Variants in MECOM observed in about 807,000 individuals in gnomAD.
The protein encoded by MECOM is histone-lysine N-methyltransferase MECOM.
A neutral mutation model predicts 116.3 loss-of-function variants in MECOM; 13 were observed. The observed-to-expected ratio is 0.11, with a 90% CI of 0.07 to 0.18. The LOEUF is 0.18. Among genes scored for constraint, MECOM ranks in the 10% least tolerant of loss-of-function variants. MECOM has a pLI of 1.00. For missense variants in MECOM, 1,299 were observed against 1,509.0 expected, an observed-to-expected ratio of 0.86 and a Z score of 2.31; for synonymous variants, 528 against 535.2, an observed-to-expected ratio of 0.99 and a Z score of 0.19.
chr3:169,435,825 A>G (rs921175519), intron 1 of MECOM, among the ~76,000 whole-genome samples: 2 of 152,238 alleles, frequency 1.3e-5, no homozygotes, highest in African/African-American at 2.4e-5. Context: ...AAATCAGTAT[A>G]AAAACAAGCA....
chr3:169,658,467 C>T (rs1775806530), intron 1 of MECOM, among the ~76,000 whole-genome samples: 1 of 152,208 alleles, frequency 6.6e-6, no homozygotes, highest in African/African-American at 2.4e-5. Flanking sequence ...TGTGCACACG[C>T]ATGTGTGGGT....
chr3:169,319,342 C>CA (rs1212156022), intron 2 of MECOM, among the ~76,000 whole-genome samples: 3 of 151,860 alleles, frequency 2.0e-5, no homozygotes, highest in Non-Finnish European at 1.5e-5. Context: ...CCAAACACTG[C>CA]ATGTTCTCAC....
intron 1 of MECOM, among the ~76,000 whole-genome samples, chr3:169,657,994 T>A (rs960268939): frequency 1.3e-5 from 2 of 152,220 alleles, no homozygotes; most frequent in African/African-American, 4.8e-5. Flanking sequence ...CTGATCGATT[T>A]GTCTGTCTCC....
intron 2 of MECOM, among the ~76,000 whole-genome samples, chr3:169,207,070 C>G (rs577205949): frequency 2.6e-4 from 40 of 152,224 alleles, no homozygotes; most frequent in African/African-American, 8.4e-4. Context: ...GACTTCTTTC[C>G]TAAACAAAAG....
intron 1 of MECOM, among the ~76,000 whole-genome samples, chr3:169,607,370 C>A (rs1415258415): frequency 6.6e-6 from 1 of 152,132 alleles, no homozygotes; most frequent in East Asian, 1.9e-4. Context: ...CATAAAATAA[C>A]AACACCAGCA....
intron 2 of MECOM, among the ~76,000 whole-genome samples, chr3:169,156,642 C>A (rs1742033058): frequency 6.6e-6 from 1 of 152,168 alleles, no homozygotes; most frequent in African/African-American, 2.4e-5. Flanking sequence ...GGCCTGAGAA[C>A]CTTCCAAAGG....
intron 2 of MECOM, among the ~76,000 whole-genome samples, chr3:169,190,968 G>A (rs980630999): frequency 1.3e-5 from 2 of 151,956 alleles, no homozygotes; most frequent in Non-Finnish European, 2.9e-5. Context: ...TATGTACAGA[G>A]TAGGCAATTT....
intron 2 of MECOM, among the ~76,000 whole-genome samples, chr3:169,355,862 C>T (rs1727188932): frequency 6.6e-6 from 1 of 151,426 alleles, no homozygotes; most frequent in African/African-American, 2.4e-5. Flanking sequence ...TAAGAAAAAT[C>T]TAAATGTCTA....
At chr3:169,378,333 A>G (rs1731414320) in intron 2 of MECOM, among the ~76,000 whole-genome samples, 1 of 149,282 alleles carries the variant, frequency 6.7e-6, no homozygotes, top group South Asian at 2.1e-4. Flanking sequence ...CCAAAAAAGA[A>G]AGAAAAAGGA....
At chr3:169,354,321 A>G (rs1726877867) in intron 2 of MECOM, among the ~76,000 whole-genome samples, 1 of 151,874 alleles carries the variant, frequency 6.6e-6, no homozygotes, top group Non-Finnish European at 1.5e-5. Flanking sequence ...AACATGTTAA[A>G]TCTCAAAAAC....
intron 2 of MECOM, among the ~76,000 whole-genome samples, chr3:169,376,782 C>G (rs375270726): frequency 1.6e-4 from 25 of 152,168 alleles, no homozygotes; most frequent in African/African-American, 5.8e-4. Context: ...CAATGTTATC[C>G]CATCCAGCTA....
intron 2 of MECOM, among the ~76,000 whole-genome samples, chr3:169,206,054 C>T (rs1295472456): frequency 6.6e-6 from 1 of 152,066 alleles, no homozygotes; most frequent in Non-Finnish European, 1.5e-5. Flanking sequence ...TTGCCAATGT[C>T]CACTCTTCCT....
At chr3:169,097,175 T>A (rs901059236) in intron 12 of MECOM, among the ~76,000 whole-genome samples, 1 of 152,052 alleles carries the variant, frequency 6.6e-6, no homozygotes, top group Non-Finnish European at 1.5e-5. Context: ...TCTACACAAA[T>A]CATGAGGAAG....
At chr3:169,626,086 A>G (rs1207581821) in intron 1 of MECOM, among the ~76,000 whole-genome samples, 1 of 152,194 alleles carries the variant, frequency 6.6e-6, no homozygotes, top group African/African-American at 2.4e-5. Context: ...AGGCACAAAA[A>G]TATCTCCAAC....
At chr3:169,307,954 G>C (rs1284472368) in intron 2 of MECOM, among the ~76,000 whole-genome samples, 1 of 151,850 alleles carries the variant, frequency 6.6e-6, no homozygotes, top group Non-Finnish European at 1.5e-5. Context: ...GCTTTCTTTG[G>C]TCTCATGAAT....
At chr3:169,376,626 A>G (rs1731084149) in intron 2 of MECOM, among the ~76,000 whole-genome samples, 2 of 152,080 alleles carry the variant, frequency 1.3e-5, no homozygotes, top group South Asian at 4.1e-4. Context: ...TTAAAAGGGA[A>G]GTGAAGGACC....
chr3:169,623,582 A>T (rs573695154), intron 1 of MECOM, among the ~76,000 whole-genome samples: 2 of 152,294 alleles, frequency 1.3e-5, no homozygotes, highest in East Asian at 3.9e-4. Flanking sequence ...GCCCAATCTC[A>T]TCTGAAATAT....
At chr3:169,433,647 A>AAG (rs1742068789) in intron 1 of MECOM, among the ~76,000 whole-genome samples, 1 of 115,986 alleles carries the variant, frequency 8.6e-6, no homozygotes. Flanking sequence ...AAGAGAAAGA[A>AAG]AGAAAGAAAG....
intron 1 of MECOM, among the ~76,000 whole-genome samples, chr3:169,477,714 T>C (rs939949048): frequency 6.6e-6 from 1 of 152,234 alleles, no homozygotes; most frequent in African/African-American, 2.4e-5. Context: ...GCAGACTTTT[T>C]TTTTGCTTTC....
Sources: allele counts gnomAD v4.1 joint callset (sites outside exome capture counted in the v4.1 genomes callset), GRCh38; gene constraint gnomAD v4.1.1; transcripts MANE v1.5; gene names NCBI Gene and HGNC (gene_info 2026-07-23, HGNC 2026-07-21).